Variants in OR6Y1 observed in about 807,000 individuals in gnomAD.
OR6Y1 encodes olfactory receptor 6Y1.
OR6Y1 carries 1 observed loss-of-function variant against 0.4 expected under a neutral mutation model. The observed-to-expected ratio is 2.74, with a 90% CI of 0.97 to 13.02. OR6Y1 has a LOEUF of 13.02. OR6Y1 is among the 30% of genes most tolerant of loss of function. OR6Y1 has a pLI of 0.12. For synonymous variants in OR6Y1, 173 were observed against 141.1 expected (o/e 1.23, Z -1.60); for missense variants, 480 against 399.8 (o/e 1.20, Z -1.71).
At chr1:158,549,744 G>T (rs902593636) in intron 1 of OR6Y1, among the ~76,000 whole-genome samples, 4 of 151,800 alleles carry the variant, frequency 2.6e-5, no homozygotes, top group Non-Finnish European at 5.9e-5. Flanking sequence ...ATTGCAGCTT[G>T]GTATTCACTA....
chr1:158,550,799 C>T (rs1647682434), intron 1 of OR6Y1, among the ~76,000 whole-genome samples: 1 of 151,738 alleles, frequency 6.6e-6, no homozygotes, highest in African/African-American at 2.4e-5. Flanking sequence ...TAGTTAACAG[C>T]CTTCCCTCCA....
At chr1:158,553,052 T>C (rs951062444) in intron 1 of OR6Y1, among the ~76,000 whole-genome samples, 6 of 152,214 alleles carry the variant, frequency 3.9e-5, no homozygotes, top group African/African-American at 1.4e-4. Flanking sequence ...GTGAGTTGGC[T>C]TTGAAGACTT....
rs745776298 is a variant in OR6Y1, at chr1:158,547,256, T to G, written c.850A>C (p.Thr284Pro). The change falls in exon 2 of 2, where the codon ACT becomes CCT. Residue 284 changes from threonine to proline, a missense_variant. Thr to Pro is a conservative substitution (Grantham distance 38). Transcript: ENST00000641622. ...GGGTTGAGGAGTGGAACAATGACAG[T>G]GTAGAGAACAGATACCACTTTGTTG... is the stretch of plus-strand genomic sequence containing the variant. ...NSNKVVSVLY[T>P]VIVPLLNPII... The G allele has an allele frequency of 6.2e-7, 1 of 1,613,678 alleles. No individual in the cohort carries two copies. The highest frequency in any genetic ancestry group is 8.5e-7 in the Non-Finnish European group (1 of 1,179,994).
At position 158,548,781 on chromosome 1, in the gene OR6Y1, C is replaced by T. The variant is rs963933763; in HGVS notation, c.-676G>A. ...CTTAGGAGTTTGACAAAAGTGCATT[C>T]AAATCCAACTTTTGTCTTTGTATAG... On this transcript the variant is annotated 5_prime_UTR_variant, in exon 2 of 2. Transcript: ENST00000641622. The T allele has an allele frequency of 5.9e-5, 9 of 151,838 alleles. No homozygotes were observed. The highest frequency in any genetic ancestry group is 2.1e-4 in the South Asian group (1 of 4,820). 9.4% of individuals were successfully genotyped at this position (151,838 alleles called of 1,614,324 possible).
Position 158,548,203 on chromosome 1 carries a change from C to T in OR6Y1, c.-98G>A. On this transcript the variant is annotated 5_prime_UTR_variant, in exon 2 of 2. Transcript: ENST00000641622. Reference sequence around the variant, plus strand: ...TAGAGCCCACCACCAGCAAATTTATCACAATAGGAGGTTTCTGCTTTTTTA... The same window carrying T: ...TAGAGCCCACCACCAGCAAATTTATTACAATAGGAGGTTTCTGCTTTTTTA... The T allele has an allele frequency of 1.6e-6, 2 of 1,262,134 alleles. No homozygotes were observed. The highest frequency in any genetic ancestry group is 1.5e-5 in the South Asian group (1 of 67,864). The allele number at this position is 1,262,134 out of a possible 1,614,324, so 78.2% of individuals were successfully genotyped here. A position where few individuals can be genotyped will look rare whatever the true frequency, so the allele number is the denominator to read the frequency against.
Position 158,551,861 on chromosome 1 carries a change from C to T in OR6Y1, c.-1432-2324G>A, listed in dbSNP as rs186079403. 4.6e-4 allele frequency among the ~76,000 whole-genome samples: 69 copies of T among 149,366 alleles called. 1 individual carries two copies. The East Asian group carries it at 9.3e-3, about 20-fold the overall frequency. ...GAACCTGAGAGGTAATATGATTTAG[C>T]TCCCTATCACATTTTGTGAATCACC... On this transcript the variant is annotated intron_variant, in intron 1 of 1. Coordinates refer to ENST00000641622, the MANE Select transcript of OR6Y1 (RefSeq NM_001005189.2).
Position 158,548,690 on chromosome 1 carries a change from C to G in OR6Y1, c.-585G>C, listed in dbSNP as rs796905598. 7 of 152,520 alleles carry G rather than the reference C, an allele frequency of 4.6e-5. 2 individuals carry two copies. Among genetic ancestry groups the G allele is most frequent in the African/African-American group, 1.7e-4 (7 of 41,204 alleles). The allele number at this position is 152,520 out of a possible 1,614,324, so 9.4% of individuals were successfully genotyped here. ...AATTATTCACCAGCTTTTCAGAGAA[C>G]AAAATTGAATGGATAACATGAAGGG... On this transcript the variant is annotated 5_prime_UTR_variant, in exon 2 of 2. Transcript: ENST00000641622.
intron 1 of OR6Y1, among the ~76,000 whole-genome samples, chr1:158,551,557 C>T (rs185223417): frequency 6.6e-6 from 1 of 151,762 alleles, no homozygotes; most frequent in Non-Finnish European, 1.5e-5. Flanking sequence ...TTAATTCCTT[C>T]TGTTATCTTA....
rs201528931 is a variant in OR6Y1, at chr1:158,548,002, A to G, written c.104T>C (p.Ile35Thr). 81 of 1,613,540 alleles carry G rather than the reference A, an allele frequency of 5.0e-5. No homozygotes were observed. Among genetic ancestry groups the G allele is most frequent in the Admixed American group, 1.8e-4 (11 of 59,962 alleles). Reference protein sequence around the residue: ...RPAFQLLFFSIFLATYLLTLL... With the variant: ...RPAFQLLFFSTFLATYLLTLL... The stretch of plus-strand genomic sequence containing the variant: ...TGTCAGCAGATAGGTTGCCAGGAAA[A>G]TGGAGAAAAAGAGAAGCTGGAAGGC... Residue 35 changes from isoleucine to threonine, a missense_variant, in exon 2 of 2, where the codon ATT (isoleucine) becomes ACT (threonine). Transcript: ENST00000641622.
At position 158,547,003 on chromosome 1, in the gene OR6Y1, A is replaced by T; in HGVS notation, c.*125T>A. ...TGTGTATACACACACACACACATGC[A>T]CACACACACAGAGGAGAGCAGTGTT... On this transcript the variant is annotated 3_prime_UTR_variant, in exon 2 of 2. Transcript: ENST00000641622. 1 of 829,828 alleles carries T rather than the reference A, an allele frequency of 1.2e-6. No individual in the cohort carries two copies. Among genetic ancestry groups the T allele is most frequent in the Non-Finnish European group, 1.9e-6 (1 of 537,396 alleles). 51.4% of individuals were successfully genotyped at this position (829,828 alleles called of 1,614,324 possible).
At position 158,548,373 on chromosome 1, in the gene OR6Y1, A is replaced by C. The variant is rs1647612085; in HGVS notation, c.-268T>G. 2 of 353,406 alleles carry C rather than the reference A, an allele frequency of 5.7e-6. No individual in the cohort carries two copies. The highest frequency in any genetic ancestry group is 1.0e-5 in the Non-Finnish European group (2 of 195,668). The allele number at this position is 353,406 out of a possible 1,614,324, so 21.9% of individuals were successfully genotyped here. The stretch of plus-strand genomic sequence containing the variant: ...TACAAAATAGAGTTTATAACTTTCT[A>C]AATCCCAGTTCTGTGCTTTACCAAT... On this transcript the variant is annotated 5_prime_UTR_variant, in exon 2 of 2. Coordinates refer to ENST00000641622, the MANE Select transcript of OR6Y1 (RefSeq NM_001005189.2).
rs201228360 is a variant in OR6Y1 at position 158,547,634 on chromosome 1, G to A, written c.472C>T (p.Leu158Phe). The stretch of plus-strand genomic sequence containing the variant: ...ACCATCTTAATCATGGCAGTCATGA[G>A]TCCACAGAACCAGCATCCTCCAGCC... The part of the protein sequence containing the change: ...TLAGGCWFCG[L>F]MTAMIKMVFI... The change falls in exon 2 of 2, where the codon CTC becomes TTC. Residue 158 changes from leucine to phenylalanine, a missense_variant. Coordinates refer to ENST00000641622, the MANE Select transcript of OR6Y1 (RefSeq NM_001005189.2). 5.0e-6 allele frequency: 8 copies of A among 1,613,358 alleles called. No individual in the cohort carries two copies. In the East Asian group the frequency reaches 1.6e-4, roughly 31 times the overall value.
rs1410085182 is a variant in OR6Y1 at position 158,547,794 on chromosome 1, A to C, written c.312T>G (p.Thr104=). The part of the protein sequence containing the change: ...DKSISFNGCM[T]QLYFFVTFVC... ...CAAAGGTCACAAAAAAGTAAAGTTG[A>C]GTCATGCAGCCATTGAAGGAAATAC... Residue 104 remains threonine (T), a synonymous_variant, in exon 2 of 2, where the codon ACT becomes ACG. Coordinates refer to ENST00000641622, the MANE Select transcript of OR6Y1 (RefSeq NM_001005189.2). 6.2e-7 allele frequency: 1 copy of C among 1,613,506 alleles called. No individual in the cohort carries two copies. Among genetic ancestry groups the C allele is most frequent in the South Asian group, 1.1e-5 (1 of 91,072 alleles).
In OR6Y1 at chr1:158,547,337, A is replaced by G. The variant is rs777380857; in HGVS notation, c.769T>C (p.Tyr257His). The G allele has an allele frequency of 5.6e-5, 91 of 1,613,504 alleles. 1 individual carries two copies. The East Asian group carries it at 2.0e-3, about 36-fold the overall frequency. Reference sequence around the variant, plus strand: ...GCATAGGTGAAAAGTGTCATGGAATAGAAGAGAATTACGACGGTCAGGTGG... The same window carrying G: ...GCATAGGTGAAAAGTGTCATGGAATGGAAGAGAATTACGACGGTCAGGTGG... ...ASHLTVVILF[Y>H]SMTLFTYARP... Residue 257 changes from tyrosine (Y) to histidine (H), a missense_variant, in exon 2 of 2, where the codon TAT becomes CAT. Coordinates refer to ENST00000641622, the MANE Select transcript of OR6Y1 (RefSeq NM_001005189.2).
In OR6Y1 at chr1:158,546,555, G is replaced by A. The variant is rs1380356135; in HGVS notation, c.*573C>T. 6.6e-6 allele frequency: 1 copy of A among 152,096 alleles called. No individual in the cohort carries two copies. The highest frequency in any genetic ancestry group is 2.4e-5 in the African/African-American group (1 of 41,410). 9.4% of individuals were successfully genotyped at this position (152,096 alleles called of 1,614,324 possible). A position where few individuals can be genotyped will look rare whatever the true frequency, so the allele number is the denominator to read the frequency against. ...TGTTATTTGGAGGGAAGTGGGTGGG[G>A]ACTCCCTATGTTGACCAGGCTGGGC... On this transcript the variant is annotated 3_prime_UTR_variant, in exon 2 of 2. Coordinates refer to ENST00000641622, the MANE Select transcript of OR6Y1 (RefSeq NM_001005189.2).
At position 158,545,207 on chromosome 1, in the gene OR6Y1, T is replaced by C. The variant is rs963631676; in HGVS notation, c.*1921A>G. The C allele has an allele frequency of 6.6e-6, 1 of 151,778 alleles. No individual in the cohort carries two copies. Among genetic ancestry groups the C allele is most frequent in the African/African-American group, 2.4e-5 (1 of 41,298 alleles). The allele number at this position is 151,778 out of a possible 1,614,324, so 9.4% of individuals were successfully genotyped here. A position where few individuals can be genotyped will look rare whatever the true frequency, so the allele number is the denominator to read the frequency against. ...AACCTCACCAGCATCTGTTATTTTT[T>C]TACATTTTAGTAATAGCCATTTGGA... On this transcript the variant is annotated 3_prime_UTR_variant, in exon 2 of 2. Transcript: ENST00000641622.
chr1:158,545,806 A>G lies in OR6Y1; in HGVS notation c.*1322T>C, dbSNP rs1490176391. On this transcript the variant is annotated 3_prime_UTR_variant, in exon 2 of 2. Transcript: ENST00000641622. The stretch of plus-strand genomic sequence containing the variant: ...AAGCTTGTCAGTTTAATTACATCCC[A>G]TTTGTCAATTTTTGTTTTTTAATAT... The G allele has an allele frequency of 6.6e-6, 1 of 152,042 alleles. No individual in the cohort carries two copies. The highest frequency in any genetic ancestry group is 2.4e-5 in the African/African-American group (1 of 41,390). The allele number at this position is 152,042 out of a possible 1,614,324, so 9.4% of individuals were successfully genotyped here.
intron 1 of OR6Y1, among the ~76,000 whole-genome samples, chr1:158,552,920 C>A (rs1051814851): frequency 1.3e-5 from 2 of 152,104 alleles, no homozygotes; most frequent in Admixed American, 1.3e-4. Context: ...GCTCCTTTTT[C>A]CCAGGCCTTT....
chr1:158,553,151 T>C (rs1647744039), intron 1 of OR6Y1, among the ~76,000 whole-genome samples: 1 of 152,220 alleles, frequency 6.6e-6, no homozygotes, highest in South Asian at 2.1e-4. Flanking sequence ...TAATTTAATT[T>C]CCAACTAGGT....
Sources: allele counts gnomAD v4.1 joint callset (sites outside exome capture counted in the v4.1 genomes callset), GRCh38; gene constraint gnomAD v4.1.1; transcripts MANE v1.5; gene names NCBI Gene and HGNC (gene_info 2026-07-23, HGNC 2026-07-21).